PCDHA10: variants seen among roughly 807,000 people sequenced by gnomAD.
The protein encoded by PCDHA10 is protocadherin alpha 10.
PCDHA10 carries 45 observed loss-of-function variants against 61.2 expected under a neutral mutation model. The ratio of observed to expected loss-of-function variants is 0.74; its 90% confidence interval spans 0.58 to 0.94. The LOEUF (loss-of-function observed/expected upper bound fraction) is 0.94. Among genes scored for constraint, PCDHA10 ranks in the 40% least tolerant of loss-of-function variants. The pLI, the probability that PCDHA10 is intolerant of heterozygous loss-of-function variation, is 0.00. For synonymous variants in PCDHA10, 602 were observed against 548.8 expected (o/e 1.10, Z -1.35); for missense variants, 1,278 against 1,236.2 (o/e 1.03, Z -0.51).
intron 1 of PCDHA10, among the ~76,000 whole-genome samples, chr5:140,921,243 G>A (rs2080116903): frequency 6.6e-6 from 1 of 151,726 alleles, no homozygotes; most frequent in Non-Finnish European, 1.5e-5. Flanking sequence ...TTAAGCCACA[G>A]ATCAAAAAGT....
chr5:140,951,545 G>C (rs1019007635), intron 1 of PCDHA10, among the ~76,000 whole-genome samples: 2 of 151,950 alleles, frequency 1.3e-5, no homozygotes, highest in Admixed American at 6.6e-5. Context: ...GCAAGGGACG[G>C]GGGGAAGTGC....
intron 3 of PCDHA10, among the ~76,000 whole-genome samples, chr5:140,992,671 T>C (rs932477687): frequency 1.3e-5 from 2 of 152,116 alleles, no homozygotes; most frequent in African/African-American, 4.8e-5. Context: ...GGTGTGTATG[T>C]GTGTGTTAGG....
chr5:140,929,875 G>A lies in PCDHA10; in HGVS notation c.2389-49074G>A, dbSNP rs1326750420. 4 of 153,064 alleles carry A rather than the reference G, an allele frequency of 2.6e-5. No individual in the cohort carries two copies. The East Asian group carries it at 7.7e-4, about 29-fold the overall frequency. 9.5% of individuals were successfully genotyped at this position (153,064 alleles called of 1,614,324 possible). A position where few individuals can be genotyped will look rare whatever the true frequency, so the allele number is the denominator to read the frequency against. On this transcript the variant is annotated intron_variant, in intron 1 of 3. Transcript: ENST00000307360. ...GAGTCAGAGAAGGCTTTGTGATAGAGATCACAGATTTAGTTGGATCTTTAA... is the reference window on the plus strand; with the variant it reads ...GAGTCAGAGAAGGCTTTGTGATAGAAATCACAGATTTAGTTGGATCTTTAA...
chr5:140,993,528 A>T lies in PCDHA10; in HGVS notation c.2536+10965A>T, dbSNP rs78672098. On this transcript the variant is annotated intron_variant, in intron 3 of 3. Transcript: ENST00000307360. ...CACACACGGGGAGAGAGAGACAGAG[A>T]GAGAGAGAGATAGAGAAGTGAAGTA... Among the ~76,000 whole-genome samples the T allele has an allele frequency of 6.6e-5, 10 of 152,092 alleles. No individual in the cohort carries two copies. In the East Asian group the frequency reaches 1.2e-3, roughly 18 times the overall value.
intron 2 of PCDHA10, among the ~76,000 whole-genome samples, chr5:140,979,789 C>CAAAT (rs1244398411): frequency 2.6e-5 from 4 of 152,148 alleles, no homozygotes; most frequent in African/African-American, 9.7e-5. Context: ...GACCAAGAAA[C>CAAAT]AAATGATCAC....
At chr5:140,882,407 C>A (rs368121978) in intron 1 of PCDHA10, 48 of 1,614,006 alleles carry the variant, frequency 3.0e-5, no homozygotes, top group Non-Finnish European at 1.3e-5. Flanking sequence ...CTTCGTGGGC[C>A]GCATCGCTCA....
intron 1 of PCDHA10, chr5:140,883,600 G>A (rs2059695358): frequency 6.2e-7 from 1 of 1,613,890 alleles, no homozygotes; most frequent in Non-Finnish European, 8.5e-7. Flanking sequence ...TGTCGGTGGG[G>A]GTGGCCGACG....
intron 3 of PCDHA10, among the ~76,000 whole-genome samples, chr5:141,002,937 C>T (rs2098103358): frequency 6.6e-6 from 1 of 152,232 alleles, no homozygotes; most frequent in Non-Finnish European, 1.5e-5. Context: ...CCAACACCCT[C>T]CAGCACATGC....
At chr5:140,884,794 A>G in intron 1 of PCDHA10, 1 of 1,280,100 alleles carries the variant, frequency 7.8e-7, no homozygotes, top group East Asian at 2.6e-5. Flanking sequence ...TTGTTATCGA[A>G]TTTAACAACT....
intron 1 of PCDHA10, among the ~76,000 whole-genome samples, chr5:140,957,285 G>GT (rs1554222913): frequency 6.6e-6 from 1 of 152,144 alleles, no homozygotes; most frequent in Non-Finnish European, 1.5e-5. Flanking sequence ...CTTACCTGCA[G>GT]TTTCACTCTG....
intron 1 of PCDHA10, chr5:140,871,155 C>A (rs782509939): frequency 3.0e-5 from 48 of 1,613,366 alleles, no homozygotes; most frequent in Non-Finnish European, 3.9e-5. Context: ...CTTTGGCGGG[C>A]GCCGCGAGCC....
At chr5:140,911,158 G>A (rs1274383238) in intron 1 of PCDHA10, among the ~76,000 whole-genome samples, 1 of 152,162 alleles carries the variant, frequency 6.6e-6, no homozygotes, top group African/African-American at 2.4e-5. Context: ...TCAGACAAAT[G>A]TGGAAAGGCT....
Position 140,856,345 on chromosome 5 carries a change from G to C in PCDHA10, c.297G>C (p.Val99=), listed in dbSNP as rs1347690443. The C allele has an allele frequency of 8.8e-6, 14 of 1,598,640 alleles. 1 individual carries two copies. The highest frequency in any genetic ancestry group is 1.2e-5 in the Non-Finnish European group (14 of 1,168,012). ...IDREELCGRS[V]ECSIHLEVIV... ...GCGAGGAGCTGTGCGGGCGGAGCGT[G>C]GAGTGCAGCATCCACCTGGAGGTGA... is the stretch of plus-strand genomic sequence containing the variant. The change falls in exon 1 of 4, where the codon GTG becomes GTC. Residue 99 remains valine (V), a synonymous_variant. Transcript: ENST00000307360.
chr5:140,861,480 T>G, intron 1 of PCDHA10: 1 of 490,608 alleles, frequency 2.0e-6, no homozygotes, highest in Non-Finnish European at 4.2e-6. Flanking sequence ...GAATGGCATT[T>G]TTGTGAGTTC....
intron 3 of PCDHA10, among the ~76,000 whole-genome samples, chr5:140,985,840 T>C (rs1441638586): frequency 2.0e-5 from 3 of 149,512 alleles, no homozygotes; most frequent in African/African-American, 7.4e-5. Flanking sequence ...CCCGGGTTCA[T>C]GCCACTCTCC....
chr5:140,945,496 A>G (rs2093798194), intron 1 of PCDHA10, among the ~76,000 whole-genome samples: 1 of 152,142 alleles, frequency 6.6e-6, no homozygotes, highest in South Asian at 2.1e-4. Context: ...TACCCAAAGC[A>G]ATATTGAGCA....
rs1340141507 is a variant in PCDHA10, at chr5:140,939,833, CTTG to C, written c.2389-39108_2389-39106del. 2.6e-5 allele frequency among the ~76,000 whole-genome samples: 4 copies of C among 152,224 alleles called. No individual in the cohort carries two copies. The East Asian group carries it at 7.7e-4, about 29-fold the overall frequency. ...AAGAAAAAGCAGTATTCTGACATTG[CTTG>C]TTGTTGTGTTCTGTATATGTCCATT... On this transcript the variant is annotated intron_variant, in intron 1 of 3. Transcript: ENST00000307360.
At chr5:140,978,030 A>T (rs2096786422) in intron 1 of PCDHA10, among the ~76,000 whole-genome samples, 1 of 152,194 alleles carries the variant, frequency 6.6e-6, no homozygotes, top group Non-Finnish European at 1.5e-5. Flanking sequence ...GCTTACTGAT[A>T]CAAGACAGTG....
chr5:140,945,654 AT>A (rs1230046600), intron 1 of PCDHA10, among the ~76,000 whole-genome samples: 5 of 152,294 alleles, frequency 3.3e-5, no homozygotes, highest in Admixed American at 3.3e-4. Flanking sequence ...ATGGAGCAGA[AT>A]ACAGCTCCCA....
Sources: allele counts gnomAD v4.1 joint callset (sites outside exome capture counted in the v4.1 genomes callset), GRCh38; gene constraint gnomAD v4.1.1; transcripts MANE v1.5; gene names NCBI Gene and HGNC (gene_info 2026-07-23, HGNC 2026-07-21).